The following SNTG1 variants were observed in gnomAD, a reference collection of about 807,000 sequenced individuals.
The protein encoded by SNTG1 is syntrophin gamma 1, also known as gamma-1-syntrophin.
Under a neutral mutation model 74.7 loss-of-function variants are expected in SNTG1, and 39 were observed. The ratio of observed to expected loss-of-function variants is 0.52; its 90% CI spans 0.40 to 0.68. SNTG1 has a LOEUF of 0.68. SNTG1 is among the 30% of genes least tolerant of loss of function. SNTG1 has a pLI of 0.00. For missense variants in SNTG1, 685 were observed against 609.5 expected (o/e 1.12, Z -1.30); for synonymous variants, 254 against 217.1 (o/e 1.17, Z -1.49).
At chr8:50,648,592 A>G (rs2095125125) in intron 13 of SNTG1, among the ~76,000 whole-genome samples, 1 of 152,128 alleles carries the variant, frequency 6.6e-6, no homozygotes, top group Non-Finnish European at 1.5e-5. Flanking sequence ...CTTTTTTCCT[A>G]TACAACTTAC....
intron 17 of SNTG1, among the ~76,000 whole-genome samples, chr8:50,724,478 A>C (rs2095495270): frequency 6.6e-6 from 1 of 152,148 alleles, no homozygotes; most frequent in African/African-American, 2.4e-5. Flanking sequence ...GTATTGGTTC[A>C]CCTGTAAGAT....
intron 1 of SNTG1, among the ~76,000 whole-genome samples, chr8:49,966,066 AAT>A (rs1811108529): frequency 6.6e-6 from 1 of 152,128 alleles, no homozygotes; most frequent in Non-Finnish European, 1.5e-5. Context: ...TCATCTCTAG[AAT>A]ATATCTGGTT....
At chr8:50,544,301 T>C (rs887441141) in intron 11 of SNTG1, among the ~76,000 whole-genome samples, 1 of 152,018 alleles carries the variant, frequency 6.6e-6, no homozygotes, top group Non-Finnish European at 1.5e-5. Context: ...AATTCCTTTG[T>C]TTTTTCTTAT....
At chr8:49,925,370 G>T (rs757435291) in intron 1 of SNTG1, among the ~76,000 whole-genome samples, 3 of 152,064 alleles carry the variant, frequency 2.0e-5, no homozygotes, top group Non-Finnish European at 4.4e-5. Context: ...ATATTATACA[G>T]TATTGACAAA....
intron 1 of SNTG1, among the ~76,000 whole-genome samples, chr8:49,948,369 C>T (rs959320593): frequency 2.0e-5 from 3 of 152,090 alleles, no homozygotes; most frequent in Non-Finnish European, 2.9e-5. Flanking sequence ...GAAGTTGAAC[C>T]TTAAAATTGT....
At chr8:50,587,560 C>T (rs1051240758) in intron 12 of SNTG1, among the ~76,000 whole-genome samples, 61 of 152,306 alleles carry the variant, frequency 4.0e-4, no homozygotes, top group African/African-American at 1.3e-3. Flanking sequence ...CGCAGTGGCT[C>T]ACGCCTGAAA....
chr8:50,013,004 T>A (rs1457133462), intron 1 of SNTG1, among the ~76,000 whole-genome samples: 2 of 152,098 alleles, frequency 1.3e-5, no homozygotes, highest in Non-Finnish European at 2.9e-5. Context: ...GAATCCTACT[T>A]CTAAGAGTTG....
intron 17 of SNTG1, among the ~76,000 whole-genome samples, chr8:50,748,659 T>C (rs1234953042): frequency 6.6e-6 from 1 of 152,040 alleles, no homozygotes; most frequent in African/African-American, 2.4e-5. Flanking sequence ...TGCGCTTACT[T>C]TGTATCTCTG....
intron 15 of SNTG1, among the ~76,000 whole-genome samples, chr8:50,662,609 A>G (rs192607942): frequency 2.0e-5 from 3 of 152,348 alleles, no homozygotes; most frequent in Admixed American, 6.5e-5. Context: ...GCTCTTGCAC[A>G]TGATACTACA....
intron 2 of SNTG1, among the ~76,000 whole-genome samples, chr8:50,325,003 TACAC>T (rs1333410701): frequency 4.2e-4 from 60 of 144,332 alleles, no homozygotes; most frequent in Admixed American, 1.2e-3. Context: ...GTGTGTGTAA[TACAC>T]ACACACACAC....
intron 2 of SNTG1, among the ~76,000 whole-genome samples, chr8:50,327,477 C>G (rs966441907): frequency 6.6e-6 from 1 of 152,000 alleles, no homozygotes; most frequent in East Asian, 1.9e-4. Flanking sequence ...GTCTTTCTAC[C>G]CCAGCTTTCT....
chr8:49,913,284 T>A (rs1805734888), intron 1 of SNTG1, among the ~76,000 whole-genome samples: 1 of 152,092 alleles, frequency 6.6e-6, no homozygotes. Flanking sequence ...GTGAAAAGAG[T>A]CTACCCCTTT....
chr8:50,625,032 A>G (rs2094947763), intron 13 of SNTG1, among the ~76,000 whole-genome samples: 1 of 152,134 alleles, frequency 6.6e-6, no homozygotes, highest in Non-Finnish European at 1.5e-5. Flanking sequence ...CCCTAATCAT[A>G]CATTAACTGG....
At chr8:50,790,364 GATAGCTT>G (rs1429737518) in intron 18 of SNTG1, among the ~76,000 whole-genome samples, 1 of 151,858 alleles carries the variant, frequency 6.6e-6, no homozygotes, top group Non-Finnish European at 1.5e-5. Context: ...CATTTTTGAA[GATAGCTT>G]ATATTTAGTG....
chr8:50,286,861 G>C (rs934901368), intron 2 of SNTG1: 1 of 152,162 alleles, frequency 6.6e-6, no homozygotes. Context: ...TGAGGCTTCT[G>C]CCCCATGACT....
chr8:50,612,098 GCA>G (rs551917724), intron 13 of SNTG1, among the ~76,000 whole-genome samples: 153 of 152,258 alleles, frequency 1.0e-3, no homozygotes, highest in Admixed American at 6.4e-3. Flanking sequence ...AAAATCTGAA[GCA>G]CATGTGAGAG....
At chr8:50,253,411 A>G (rs2086730026) in intron 2 of SNTG1, among the ~76,000 whole-genome samples, 2 of 137,666 alleles carry the variant, frequency 1.5e-5, no homozygotes, top group Non-Finnish European at 3.2e-5. Context: ...CAACAAGAGT[A>G]AAACTCCGTC....
In SNTG1 at chr8:50,352,758, A is replaced by C. The variant is rs188609059; in HGVS notation, c.-27-41454A>C. Among the ~76,000 whole-genome samples, 239 of 152,256 alleles carry C rather than the reference A, an allele frequency of 1.6e-3. 1 individual carries two copies. Among genetic ancestry groups the C allele is most frequent in the African/African-American group, 5.0e-3 (208 of 41,554 alleles). ...ATTAAACATTTTCAGAAGCAGTTGA[A>C]ATTCTCTTGCCTTGTCCTACAATAT... On this transcript the variant is annotated intron_variant, in intron 2 of 18. Coordinates refer to ENST00000642720, the MANE Select transcript of SNTG1 (RefSeq NM_018967.5).
At chr8:50,619,914 A>AG (rs1466984653) in intron 13 of SNTG1, among the ~76,000 whole-genome samples, 1 of 151,698 alleles carries the variant, frequency 6.6e-6, no homozygotes, top group Non-Finnish European at 1.5e-5. Flanking sequence ...TCTGCAGAAA[A>AG]AAAAAAAAAA....
Sources: allele counts gnomAD v4.1 joint callset (sites outside exome capture counted in the v4.1 genomes callset), GRCh38; gene constraint gnomAD v4.1.1; transcripts MANE v1.5; gene names NCBI Gene and HGNC (gene_info 2026-07-23, HGNC 2026-07-21).